Variants in ACAN observed in about 807,000 individuals in gnomAD.
The protein encoded by ACAN is aggrecan core protein.
A neutral mutation model predicts 169.1 loss-of-function variants in ACAN; 47 were observed. The observed-to-expected ratio is 0.28, with a 90% confidence interval of 0.22 to 0.35. The LOEUF is 0.35. ACAN is among the 10% of genes least tolerant of loss of function. The pLI is 1.00. For synonymous variants in ACAN, 1,115 were observed against 1,112.2 expected (o/e 1.00, Z -0.05); for missense variants, 2,716 against 2,759.9 (o/e 0.98, Z 0.36).
intron 7 of ACAN, among the ~76,000 whole-genome samples, chr15:88,846,250 C>G (rs1896789774): frequency 1.3e-5 from 2 of 152,146 alleles, no homozygotes; most frequent in Non-Finnish European, 2.9e-5. Flanking sequence ...ACTAGAAAAC[C>G]ACTGCCTTGG....
In ACAN at chr15:88,814,431, G is replaced by T. The variant is rs1376359171; in HGVS notation, c.-8+10622G>T. ...TCTGCCTACTTATGCTCTTAAGATA[G>T]TCTTACCATCCTGGAGCAGAAAGGG... On this transcript the variant is annotated intron_variant, in intron 1 of 18. Coordinates refer to ENST00000560601, the MANE Select transcript of ACAN (RefSeq NM_001369268.1). The surrounding 1 kb of genome is among the most constrained non-coding windows in gnomAD (Gnocchi z 4.0). 6.6e-6 allele frequency among the ~76,000 whole-genome samples: 1 copy of T among 152,122 alleles called. No individual in the cohort carries two copies. The highest frequency in any genetic ancestry group is 2.4e-5 in the African/African-American group (1 of 41,426).
intron 5 of ACAN, among the ~76,000 whole-genome samples, chr15:88,842,487 G>A (rs1180823547): frequency 6.8e-6 from 1 of 147,858 alleles, no homozygotes; most frequent in African/African-American, 2.5e-5. Context: ...ACTCTGCAAT[G>A]TCTATCTCCT....
At position 88,865,724 on chromosome 15, in the gene ACAN, A is replaced by G. The variant is rs1897269631; in HGVS notation, c.6947-2492A>G. ...TGCATTCACAGCAGGGCCCAGCCCA[A>G]CTCCTCTATCAGTTCCAGAAGGCAT... On this transcript the variant is annotated intron_variant, in intron 13 of 18. Transcript: ENST00000560601. Among the ~76,000 whole-genome samples, 3 of 151,934 alleles carry G rather than the reference A, an allele frequency of 2.0e-5. No individual in the cohort carries two copies. In the South Asian group the frequency reaches 6.2e-4, roughly 32 times the overall value.
At chr15:88,840,559 C>T (rs1047686765) in intron 4 of ACAN, among the ~76,000 whole-genome samples, 2 of 151,970 alleles carry the variant, frequency 1.3e-5, no homozygotes, top group African/African-American at 4.8e-5. Context: ...TAAATTGAAC[C>T]CCTTGGTACA....
Position 88,872,080 on chromosome 15 carries a change from C to T in ACAN, c.7297C>T (p.Pro2433Ser), listed in dbSNP as rs571846898. 2.5e-6 allele frequency: 4 copies of T among 1,613,694 alleles called. No individual in the cohort carries two copies. In the East Asian group the frequency reaches 8.9e-5, roughly 36 times the overall value. ...EGDFRWSDGH[P>S]MQFENWRPNQ... ...GGACTTCCGCTGGTCAGATGGACAC[C>T]CCATGGTGAGTTCTGCTGTAGGCAC... The change falls in exon 16 of 19, where the codon CCC becomes TCC. Residue 2433 changes from proline (P) to serine (S), a missense_variant. Physicochemically the swap from Pro to Ser is moderately conservative, Grantham distance 74. Around this residue, in one of 3 missense-constraint regions of ACAN, gnomAD observed 1,389 missense variants for 1,363.7 expected, o/e 1.02. Transcript: ENST00000560601. This position sits in a 1 kb window ranked among gnomAD's most constrained non-coding sequence, Gnocchi z 5.4.
intron 1 of ACAN, among the ~76,000 whole-genome samples, chr15:88,830,790 G>A (rs1260343826): frequency 6.6e-6 from 1 of 152,132 alleles, no homozygotes; most frequent in Admixed American, 6.5e-5. Flanking sequence ...ATTGTACACT[G>A]GTGTAGGCTT....
At position 88,839,274 on chromosome 15, in the gene ACAN, G is replaced by T. The variant is rs1484433194; in HGVS notation, c.454+228G>T. Among the ~76,000 whole-genome samples, 1 of 152,232 alleles carries T rather than the reference G, an allele frequency of 6.6e-6. No individual in the cohort carries two copies. The highest frequency in any genetic ancestry group is 6.5e-5 in the Admixed American group (1 of 15,284). ...TGGCTGTGGTCACAGGTAACTGACA[G>T]TTTGTGCTTCCCAAGAATCCTGTGA... On this transcript the variant is annotated intron_variant, in intron 3 of 18. Coordinates refer to ENST00000560601, the MANE Select transcript of ACAN (RefSeq NM_001369268.1). This position sits in a 1 kb window ranked among gnomAD's most constrained non-coding sequence, Gnocchi z 4.5.
At chr15:88,853,417 C>A (rs1398056117) in intron 11 of ACAN, among the ~76,000 whole-genome samples, 2 of 152,156 alleles carry the variant, frequency 1.3e-5, no homozygotes, top group Non-Finnish European at 2.9e-5. Flanking sequence ...GTGGGAGGAC[C>A]ACTTGAGGCC....
At position 88,847,282 on chromosome 15, in the gene ACAN, C is replaced by T. The variant is rs117116488; in HGVS notation, c.1469C>T (p.Ser490Leu). 16,696 of 1,568,914 alleles carry T rather than the reference C, an allele frequency of 0.011. 198 individuals are homozygous for T. The highest frequency in any genetic ancestry group is 0.036 in the South Asian group (3,034 of 85,056). Residue 490 changes from serine (S) to leucine (L), a missense_variant, in exon 8 of 19, where the codon TCG becomes TTG. This residue lies in a region of ACAN where 1,283 missense variants were observed against 1,281.5 expected (regional missense o/e 1.00). Transcript: ENST00000560601. ...FHYRPGPTRY[S>L]LTFEEAQQAC... ...TACCGCCCGGGACCCACCCGCTACT[C>T]GCTGACCTTTGAGGAGGCACAGCAG...
At chr15:88,859,724 A>C (rs1897153549) in intron 12 of ACAN, among the ~76,000 whole-genome samples, 1 of 152,228 alleles carries the variant, frequency 6.6e-6, no homozygotes, top group Non-Finnish European at 1.5e-5. Context: ...GCGGAGTTAC[A>C]GTCCGTGAGT....
intron 1 of ACAN, among the ~76,000 whole-genome samples, chr15:88,815,656 T>TAAAAAAAAAAAAAAAA (rs58267198): frequency 1.8e-5 from 1 of 54,182 alleles, no homozygotes; most frequent in African/African-American, 8.7e-5. Context: ...CTGCACTGAT[T>TAAAAAAAAAAAAAAAA]AAAAAAAAAA....
chr15:88,828,457 C>G (rs1192548762), intron 1 of ACAN, among the ~76,000 whole-genome samples: 2 of 152,142 alleles, frequency 1.3e-5, no homozygotes, highest in African/African-American at 2.4e-5. Context: ...CCCCTCACTT[C>G]TGTTAGATGT....
In ACAN at chr15:88,849,691, C is replaced by T. The variant is rs1025081307; in HGVS notation, c.1986C>T (p.Leu662=). 1 of 1,613,736 alleles carries T rather than the reference C, an allele frequency of 6.2e-7. No homozygotes were observed. The highest frequency in any genetic ancestry group is 8.5e-7 in the Non-Finnish European group (1 of 1,179,858). ...ACCTCTACCCTAACCAGACGGGCCT[C>T]CCAGACCCACTGTCCCGGCACCATG... is the stretch of plus-strand genomic sequence containing the variant. ...TVYLYPNQTG[L]PDPLSRHHAF... Residue 662 remains leucine, a synonymous_variant, in exon 10 of 19, where the codon CTC becomes CTT. Transcript: ENST00000560601. The surrounding 1 kb of genome is among the most constrained non-coding windows in gnomAD (Gnocchi z 5.1).
At position 88,872,457 on chromosome 15, in the gene ACAN, T is replaced by C. The variant is rs1300034637; in HGVS notation, c.7302+372T>C. Reference sequence around the variant, plus strand: ...GGTACGGGCACCCAGTGATTCTCTTTGTCCTGAAGCAAGGCTGGAAGGATA... The same window carrying C: ...GGTACGGGCACCCAGTGATTCTCTTCGTCCTGAAGCAAGGCTGGAAGGATA... On this transcript the variant is annotated intron_variant, in intron 16 of 18. Coordinates refer to ENST00000560601, the MANE Select transcript of ACAN (RefSeq NM_001369268.1). The surrounding 1 kb of genome is among the most constrained non-coding windows in gnomAD (Gnocchi z 5.4). Among the ~76,000 whole-genome samples, 11 of 152,082 alleles carry C rather than the reference T, an allele frequency of 7.2e-5. No individual in the cohort carries two copies. The highest frequency in any genetic ancestry group is 7.2e-4 in the Admixed American group (11 of 15,266).
intron 8 of ACAN, 90 bp downstream of exon 8, chr15:88,847,507 C>A: frequency 7.3e-7 from 1 of 1,378,006 alleles, no homozygotes; most frequent in Non-Finnish European, 9.6e-7. Context: ...GCACACTGAG[C>A]ACCCAATACC....
chr15:88,826,623 C>T (rs1055662531), intron 1 of ACAN, among the ~76,000 whole-genome samples: 6 of 152,078 alleles, frequency 3.9e-5, no homozygotes, highest in African/African-American at 1.4e-4. Context: ...TCCCACCAAC[C>T]GTGCGCATAT....
At chr15:88,826,973 C>T (rs1383892793) in intron 1 of ACAN, among the ~76,000 whole-genome samples, 3 of 152,160 alleles carry the variant, frequency 2.0e-5, no homozygotes, top group Admixed American at 6.5e-5. Flanking sequence ...ACTTTGGGCA[C>T]GTTGTCTAAC....
chr15:88,853,765 C>G (rs904152373), intron 11 of ACAN, among the ~76,000 whole-genome samples: 4 of 147,320 alleles, frequency 2.7e-5, no homozygotes, highest in African/African-American at 1.1e-4. Flanking sequence ...TACATACATA[C>G]ATACATACAT....
intron 1 of ACAN, among the ~76,000 whole-genome samples, chr15:88,808,988 G>A (rs1895754812): frequency 1.3e-5 from 2 of 152,146 alleles, no homozygotes; most frequent in African/African-American, 4.8e-5. Context: ...TATCCCCTTG[G>A]GTAAGTCAGT....
Sources: allele counts gnomAD v4.1 joint callset (sites outside exome capture counted in the v4.1 genomes callset), GRCh38; gene constraint gnomAD v4.1.1; regional missense constraint gnomAD v4.1.1; non-coding constraint Gnocchi (gnomAD v3.1); transcripts MANE v1.5; gene names NCBI Gene and HGNC (gene_info 2026-07-23, HGNC 2026-07-21).